The following LARP4B variants were observed in gnomAD, a reference collection of about 807,000 sequenced individuals.
The protein encoded by LARP4B is la-related protein 4B.
LARP4B carries 12 observed loss-of-function variants against 89.8 expected under a neutral mutation model. That is an observed-to-expected ratio of 0.13 (90% CI 0.09 to 0.22). The LOEUF (loss-of-function observed/expected upper bound fraction) is 0.22, where lower values mean the gene tolerates loss of function less well. Ranked by LOEUF, LARP4B falls within the 10% of genes least tolerant of loss-of-function variation. LARP4B has a pLI of 1.00. For synonymous variants in LARP4B, 367 were observed against 363.3 expected, an observed-to-expected ratio of 1.01 and a Z score of -0.12; for missense variants, 757 against 947.7, an observed-to-expected ratio of 0.80 and a Z score of 2.64.
intron 1 of LARP4B, among the ~76,000 whole-genome samples, chr10:907,988 C>T (rs1380646810): frequency 6.6e-6 from 1 of 152,144 alleles, no homozygotes; most frequent in Non-Finnish European, 1.5e-5. Flanking sequence ...GGTGCATCAC[C>T]TGAGGTTAGG....
chr10:890,902 C>T (rs955396122), intron 1 of LARP4B, among the ~76,000 whole-genome samples: 6 of 151,974 alleles, frequency 3.9e-5, no homozygotes, highest in African/African-American at 1.2e-4. Flanking sequence ...CACACAACCA[C>T]GAAATCCAGA....
chr10:813,609 T>C (rs557298517), intron 17 of LARP4B, among the ~76,000 whole-genome samples: 1 of 152,302 alleles, frequency 6.6e-6, no homozygotes, highest in African/African-American at 2.4e-5. Context: ...CACACGGTAC[T>C]CAACCCTGAA....
the LARP4B span, among the ~76,000 whole-genome samples, chr10:981,909 A>G: frequency 1.3e-5 from 2 of 152,168 alleles, no homozygotes; most frequent in African/African-American, 4.8e-5. Flanking sequence ...CTAGCTGACC[A>G]TGTAAAAGAA....
In LARP4B at chr10:809,957, A is replaced by C. The variant is rs1385879531; in HGVS notation, c.*2969T>G. The C allele has an allele frequency of 6.6e-6, 1 of 152,332 alleles. No individual in the cohort carries two copies. The highest frequency in any genetic ancestry group is 1.5e-5 in the Non-Finnish European group (1 of 68,042). 9.4% of individuals were successfully genotyped at this position (152,332 alleles called of 1,614,324 possible). A position where few individuals can be genotyped will look rare whatever the true frequency, so the allele number is the denominator to read the frequency against. On this transcript the variant is annotated 3_prime_UTR_variant, in exon 18 of 18. Coordinates refer to ENST00000316157, the MANE Select transcript of LARP4B (RefSeq NM_015155.3). ...GCCAGTGACAGCCGGTGATGTGATG[A>C]CAGGAGGGCCTGGGTGAAAATGTCA... is the stretch of plus-strand genomic sequence containing the variant.
chr10:839,333 G>C (rs1833398478), intron 7 of LARP4B, among the ~76,000 whole-genome samples: 1 of 152,160 alleles, frequency 6.6e-6, no homozygotes, highest in Admixed American at 6.5e-5. Flanking sequence ...TGTTCATATG[G>C]GAAGAGGCCA....
intron 8 of LARP4B, among the ~76,000 whole-genome samples, chr10:833,352 T>G (rs867515423): frequency 7.0e-6 from 1 of 143,238 alleles, no homozygotes; most frequent in Non-Finnish European, 1.5e-5. Flanking sequence ...CTGGGCGGCA[T>G]GCCGCCCACG....
rs114411737 is a variant in LARP4B, at chr10:828,776, C to T, written c.1125+609G>A. On this transcript the variant is annotated intron_variant, in intron 11 of 17. Coordinates refer to ENST00000316157, the MANE Select transcript of LARP4B (RefSeq NM_015155.3). ...CTTCAGCTTCAAGGACATGCTCATC[C>T]GTGTATTGCTGACTCTCGTGCATCC... Among the ~76,000 whole-genome samples, 846 of 152,282 alleles carry T rather than the reference C, an allele frequency of 5.6e-3. 6 individuals carry two copies. Among genetic ancestry groups the T allele is most frequent in the African/African-American group, 0.019 (795 of 41,558 alleles).
At chr10:880,563 G>A (rs1194954463) in intron 3 of LARP4B, among the ~76,000 whole-genome samples, 1 of 152,136 alleles carries the variant, frequency 6.6e-6, no homozygotes, top group Non-Finnish European at 1.5e-5. Flanking sequence ...GTGCATGCCT[G>A]TAATTCCAGC....
In LARP4B at chr10:917,283, CA is replaced by C. The variant is rs1819143471; in HGVS notation, c.-40+14144del. The stretch of plus-strand genomic sequence containing the variant: ...TATAGCTTGTAGCAAATGGGTAAAA[CA>C]TAACTTTATGAGCAAGACTGAAACA... On this transcript the variant is annotated intron_variant, in intron 1 of 17. Coordinates refer to ENST00000316157, the MANE Select transcript of LARP4B (RefSeq NM_015155.3). Among the ~76,000 whole-genome samples, 3 of 152,274 alleles carry C rather than the reference CA, an allele frequency of 2.0e-5. No homozygotes were observed. In the South Asian group the frequency reaches 6.2e-4, roughly 32 times the overall value.
At chr10:961,266 C>T in the LARP4B span, among the ~76,000 whole-genome samples, 1 of 152,240 alleles carries the variant, frequency 6.6e-6, no homozygotes, top group African/African-American at 2.4e-5. Context: ...TATAAAGGCA[C>T]ACCTGAGGCT....
chr10:816,419 C>A lies in LARP4B; in HGVS notation c.1695+1306G>T, dbSNP rs1832058461. 2.0e-5 allele frequency among the ~76,000 whole-genome samples: 3 copies of A among 152,330 alleles called. No individual in the cohort carries two copies. The South Asian group carries it at 6.2e-4, about 32-fold the overall frequency. On this transcript the variant is annotated intron_variant, in intron 15 of 17. Coordinates refer to ENST00000316157, the MANE Select transcript of LARP4B (RefSeq NM_015155.3). ...TGAAACCCAAGGGCCACGCTGTTGA[C>A]TCAAGAAGCTCCCAAGAAGCAGCAA...
intron 1 of LARP4B, among the ~76,000 whole-genome samples, chr10:888,262 C>CA (rs2131943220): frequency 1.3e-5 from 2 of 151,612 alleles, no homozygotes; most frequent in South Asian, 4.2e-4. Context: ...ACAGAGGTTG[C>CA]AGTGAGCTGA....
Position 809,968 on chromosome 10 carries a change from TG to T in LARP4B, c.*2957del, listed in dbSNP as rs1246147337. 1 of 152,312 alleles carries T rather than the reference TG, an allele frequency of 6.6e-6. No homozygotes were observed. The allele number at this position is 152,312 out of a possible 1,614,324, so 9.4% of individuals were successfully genotyped here. Reference sequence around the variant, plus strand: ...CCGGTGATGTGATGACAGGAGGGCCTGGGTGAAAATGTCAAGACACTCACTC... The same window carrying T: ...CCGGTGATGTGATGACAGGAGGGCCTGGTGAAAATGTCAAGACACTCACTC... On this transcript the variant is annotated 3_prime_UTR_variant, in exon 18 of 18. Transcript: ENST00000316157.
At chr10:954,686 G>T in the LARP4B span, among the ~76,000 whole-genome samples, 1 of 152,120 alleles carries the variant, frequency 6.6e-6, no homozygotes, top group Non-Finnish European at 1.5e-5. This position sits in a 1 kb window ranked among gnomAD's most constrained non-coding sequence, Gnocchi z 5.0. Context: ...TCAGGGTACC[G>T]GCCGGGCGCA....
rs79669337 is a variant in LARP4B at position 895,337 on chromosome 10, G to T, written c.-39-9577C>A. ...ATTTCTATTTAAAATTTGTATTAAT[G>T]AAATAATACTAAATGTGTAAACAAA... On this transcript the variant is annotated intron_variant, in intron 1 of 17. Coordinates refer to ENST00000316157, the MANE Select transcript of LARP4B (RefSeq NM_015155.3). Among the ~76,000 whole-genome samples, 418 of 151,706 alleles carry T rather than the reference G, an allele frequency of 2.8e-3. 5 individuals are homozygous for T. The highest frequency in any genetic ancestry group is 9.8e-3 in the African/African-American group (404 of 41,368).
intron 1 of LARP4B, among the ~76,000 whole-genome samples, chr10:900,418 G>GTTTTTTTT (rs1265812633): frequency 4.9e-5 from 2 of 40,450 alleles, no homozygotes; most frequent in Non-Finnish European, 9.0e-5. Context: ...AAAGAAGGAT[G>GTTTTTTTT]TCTTTTTTTT....
At chr10:946,082 C>T in the LARP4B span, among the ~76,000 whole-genome samples, 1 of 152,148 alleles carries the variant, frequency 6.6e-6, no homozygotes, top group Non-Finnish European at 1.5e-5. Flanking sequence ...GCCTTCTTTA[C>T]ATCTTGAATT....
chr10:815,879 T>C (rs771470934), intron 15 of LARP4B, among the ~76,000 whole-genome samples: 3 of 152,224 alleles, frequency 2.0e-5, no homozygotes, highest in Admixed American at 6.5e-5. Flanking sequence ...CCAGCAGGAA[T>C]CCAGCTTGGT....
chr10:871,544 G>T (rs1340742027), intron 3 of LARP4B, among the ~76,000 whole-genome samples: 1 of 151,986 alleles, frequency 6.6e-6, no homozygotes, highest in Non-Finnish European at 1.5e-5. Context: ...TTGGTAAAAG[G>T]CACTATTTTC....
Sources: gnomAD v4.1 joint callset for allele counts (sites outside exome capture counted in the v4.1 genomes callset) on GRCh38, gnomAD v4.1.1 for gene constraint, Gnocchi (gnomAD v3.1) non-coding constraint, MANE v1.5 for transcripts, NCBI Gene and HGNC (gene_info 2026-07-23, HGNC 2026-07-21) for gene names.